Variants in FUT8 observed in about 807,000 individuals in gnomAD.
FUT8 encodes the protein alpha-(1,6)-fucosyltransferase.
Under a neutral mutation model 71.3 loss-of-function variants are expected in FUT8, and 29 were observed. The observed-to-expected ratio is 0.41, with a 90% CI of 0.30 to 0.55. The LOEUF is 0.55. Among genes scored for constraint, FUT8 ranks in the 20% least tolerant of loss-of-function variants. The pLI, the probability that FUT8 is intolerant of heterozygous loss-of-function variation, is 0.34. For synonymous variants in FUT8, 254 were observed against 239.3 expected (o/e 1.06, Z -0.57); for missense variants, 544 against 702.1 (o/e 0.77, Z 2.55).
At chr14:65,484,891 T>G (rs976011174) in intron 2 of FUT8, among the ~76,000 whole-genome samples, 1 of 152,200 alleles carries the variant, frequency 6.6e-6, no homozygotes, top group Non-Finnish European at 1.5e-5. Context: ...TTTTTCCAAG[T>G]TCATGGATTT....
intron 7 of FUT8, among the ~76,000 whole-genome samples, chr14:65,703,654 G>GGAA (rs1302639106): frequency 2.6e-5 from 4 of 152,182 alleles, no homozygotes; most frequent in African/African-American, 9.7e-5. Flanking sequence ...TGGAAGCAGA[G>GGAA]GCAGCTGGGG....
chr14:65,597,289 G>A (rs867337407), intron 3 of FUT8, among the ~76,000 whole-genome samples: 6 of 152,130 alleles, frequency 3.9e-5, no homozygotes, highest in Non-Finnish European at 8.8e-5. Context: ...AAAAGGCGCT[G>A]ATTTGAATGA....
At chr14:65,553,715 T>C (rs1001092052) in intron 2 of FUT8, among the ~76,000 whole-genome samples, 3 of 151,924 alleles carry the variant, frequency 2.0e-5, no homozygotes, top group African/African-American at 7.3e-5. Flanking sequence ...GTTGCCGTTT[T>C]TCCCCCCTTG....
intron 1 of FUT8, among the ~76,000 whole-genome samples, chr14:65,441,626 G>A (rs2139486647): frequency 6.6e-6 from 1 of 151,962 alleles, no homozygotes; most frequent in Admixed American, 6.6e-5. Flanking sequence ...GGTGGCACAT[G>A]CCTGTAATCC....
intron 2 of FUT8, among the ~76,000 whole-genome samples, chr14:65,470,750 C>T (rs551583513): frequency 6.6e-6 from 1 of 152,152 alleles, no homozygotes; most frequent in Admixed American, 6.5e-5. Flanking sequence ...GTGGGGTGGG[C>T]GCAGTGGCTG....
rs1284430038 is a variant in FUT8 at position 65,669,734 on chromosome 14, A to G, written c.835+254A>G. Among the ~76,000 whole-genome samples, 2 of 152,144 alleles carry G rather than the reference A, an allele frequency of 1.3e-5. No individual in the cohort carries two copies. The highest frequency in any genetic ancestry group is 2.9e-5 in the Non-Finnish European group (2 of 68,008). The stretch of plus-strand genomic sequence containing the variant: ...AGTTTTTTTCAGGGAGCATAATTTA[A>G]TCTTTTAATAATAATGATATGACTT... On this transcript the variant is annotated intron_variant, in intron 7 of 10. Transcript: ENST00000673929. This position sits in a 1 kb window ranked among gnomAD's most constrained non-coding sequence, Gnocchi z 4.5.
At chr14:65,356,944 C>T in the FUT8 span, among the ~76,000 whole-genome samples, 1 of 152,208 alleles carries the variant, frequency 6.6e-6, no homozygotes, top group African/African-American at 2.4e-5. This position sits in a 1 kb window ranked among gnomAD's most constrained non-coding sequence, Gnocchi z 4.6. Context: ...TGATTTCATT[C>T]AACTCATGTG....
chr14:65,550,840 GTAAT>G lies in FUT8; in HGVS notation c.-227-10492_-227-10489del, dbSNP rs1885244863. Among the ~76,000 whole-genome samples, 2 of 152,118 alleles carry G rather than the reference GTAAT, an allele frequency of 1.3e-5. No individual in the cohort carries two copies. Among genetic ancestry groups the G allele is most frequent in the Admixed American group, 1.3e-4 (2 of 15,268 alleles). The stretch of plus-strand genomic sequence containing the variant: ...GTATAAAATACATATTTTTGGCAAA[GTAAT>G]TAATACTTTATTCAACTGTACTTCT... On this transcript the variant is annotated intron_variant, in intron 2 of 10. Transcript: ENST00000673929. This position sits in a 1 kb window ranked among gnomAD's most constrained non-coding sequence, Gnocchi z 4.5.
intron 3 of FUT8, among the ~76,000 whole-genome samples, chr14:65,598,276 G>A (rs189345617): frequency 1.3e-5 from 2 of 152,024 alleles, no homozygotes; most frequent in East Asian, 1.9e-4. Flanking sequence ...GGGCTGGAGT[G>A]TAGTGGCGTG....
intron 2 of FUT8, among the ~76,000 whole-genome samples, chr14:65,555,440 A>G (rs779216566): frequency 6.6e-6 from 1 of 152,166 alleles, no homozygotes. Context: ...AGTTCTTACT[A>G]TAACTTAGTT....
At chr14:65,606,337 G>T (rs747101212) in intron 3 of FUT8, among the ~76,000 whole-genome samples, 1 of 151,108 alleles carries the variant, frequency 6.6e-6, no homozygotes, top group African/African-American at 2.4e-5. Context: ...TCAGCCTCCC[G>T]AAGTGCTGGG....
In FUT8 at chr14:65,561,437, T is replaced by A; in HGVS notation, c.-127T>A. On this transcript the variant is annotated 5_prime_UTR_variant, in exon 3 of 11. In the 5' UTR this introduces an upstream ATG that the reference lacks. Coordinates refer to ENST00000673929, the MANE Select transcript of FUT8 (RefSeq NM_001371533.1). ...CTGCAGGACTACCAGAGAGAATAAT[T>A]TGTCTGAAGCATCATGTGTTGAAAC... 2 of 804,096 alleles carry A rather than the reference T, an allele frequency of 2.5e-6. No homozygotes were observed. Among genetic ancestry groups the A allele is most frequent in the Non-Finnish European group, 4.1e-6 (2 of 486,350 alleles). 49.8% of individuals were successfully genotyped at this position (804,096 alleles called of 1,614,324 possible). A position where few individuals can be genotyped will look rare whatever the true frequency, so the allele number is the denominator to read the frequency against.
chr14:65,530,855 C>T (rs1399911325), intron 2 of FUT8, among the ~76,000 whole-genome samples: 4 of 150,824 alleles, frequency 2.7e-5, no homozygotes, highest in Non-Finnish European at 4.4e-5. Context: ...CTCTTCCTCT[C>T]TCCATCTCTC....
intron 2 of FUT8, among the ~76,000 whole-genome samples, chr14:65,558,959 T>C (rs1261429323): frequency 6.6e-6 from 1 of 152,160 alleles, no homozygotes; most frequent in Non-Finnish European, 1.5e-5. Context: ...TATTGATATA[T>C]AATATAGTAA....
chr14:65,520,987 T>G (rs1883039887), intron 2 of FUT8, among the ~76,000 whole-genome samples: 1 of 152,114 alleles, frequency 6.6e-6, no homozygotes, highest in African/African-American at 2.4e-5. Flanking sequence ...TTCTTTCTCT[T>G]TTTTACTTTT....
At chr14:65,418,185 T>C (rs2065244937) in intron 1 of FUT8, among the ~76,000 whole-genome samples, 2 of 152,218 alleles carry the variant, frequency 1.3e-5, no homozygotes, top group South Asian at 4.1e-4. Flanking sequence ...TATAACTTTC[T>C]GATTGTAAAC....
chr14:65,659,399 A>AGTACCAGTACTACCCAGAAGAATG (rs1891851004), intron 6 of FUT8, among the ~76,000 whole-genome samples: 1 of 152,140 alleles, frequency 6.6e-6, no homozygotes, highest in African/African-American at 2.4e-5. Flanking sequence ...AAGTGCTGTA[A>AGTACCAGTACTACCCAGAAGAATG]GTACCAGTAC....
At chr14:65,481,059 T>C (rs1349999571) in intron 2 of FUT8, among the ~76,000 whole-genome samples, 1 of 152,182 alleles carries the variant, frequency 6.6e-6, no homozygotes, top group Admixed American at 6.5e-5. Flanking sequence ...CCATTTTACA[T>C]TTCCATCAGC....
At chr14:65,362,944 A>C in the FUT8 span, among the ~76,000 whole-genome samples, 1 of 144,460 alleles carries the variant, frequency 6.9e-6, no homozygotes, top group Non-Finnish European at 1.5e-5. Flanking sequence ...CCTGGGCAAC[A>C]GAGCAAGACT....
Sources: gnomAD v4.1 joint callset for allele counts (sites outside exome capture counted in the v4.1 genomes callset) on GRCh38, gnomAD v4.1.1 for gene constraint, Gnocchi (gnomAD v3.1) non-coding constraint, MANE v1.5 for transcripts, NCBI Gene and HGNC (gene_info 2026-07-23, HGNC 2026-07-21) for gene names.